Variants in RYR3 observed in about 807,000 individuals in gnomAD.
RYR3 encodes brain ryanodine receptor-calcium release channel.
A neutral mutation model predicts 584.3 loss-of-function variants in RYR3; 207 were observed. The observed-to-expected ratio is 0.35, with a 90% confidence interval of 0.32 to 0.40. The LOEUF is 0.40. Among genes scored for constraint, RYR3 ranks in the 10% least tolerant of loss-of-function variants. RYR3 has a pLI of 1.00. For missense variants in RYR3, 5,616 were observed against 6,089.2 expected (o/e 0.92, Z 2.59); for synonymous variants, 2,416 against 2,248.5 (o/e 1.07, Z -2.11).
intron 98 of RYR3, chr15:33,856,198 C>A (rs576620100): frequency 4.6e-5 from 7 of 152,312 alleles, no homozygotes; most frequent in Middle Eastern, 3.4e-3. Context: ...AGTTCTTTCT[C>A]TTTTTTTTCC....
At chr15:33,474,330 T>G (rs986339160) in intron 2 of RYR3, among the ~76,000 whole-genome samples, 1 of 152,192 alleles carries the variant, frequency 6.6e-6, no homozygotes, top group African/African-American at 2.4e-5. Flanking sequence ...GAGATTTCTT[T>G]TAAGAAATTA....
At chr15:33,834,472 TTTTC>T (rs1413826533) in intron 86 of RYR3, among the ~76,000 whole-genome samples, 7 of 96,168 alleles carry the variant, frequency 7.3e-5, no homozygotes, top group Non-Finnish European at 1.1e-4. Flanking sequence ...CACAGATTTC[TTTTC>T]TTTTTTTTTT....
At chr15:33,815,082 A>T (rs972694864) in intron 74 of RYR3, among the ~76,000 whole-genome samples, 10 of 151,766 alleles carry the variant, frequency 6.6e-5, no homozygotes, top group Non-Finnish European at 1.3e-4. Context: ...AAAAAAAAAA[A>T]AAAGGAATCA....
chr15:33,813,441 C>A, intron 73 of RYR3, 26 bp from the exon 74 acceptor site: 1 of 1,583,774 alleles, frequency 6.3e-7, no homozygotes, highest in Non-Finnish European at 8.7e-7. Context: ...GCCTAATGTG[C>A]ACCAACCGAT....
At chr15:33,824,833 G>A (rs1005102320) in intron 81 of RYR3, among the ~76,000 whole-genome samples, 2 of 152,160 alleles carry the variant, frequency 1.3e-5, no homozygotes, top group African/African-American at 2.4e-5. Flanking sequence ...TCAGATTGGG[G>A]AATAAGTTAG....
At chr15:33,477,310 C>G (rs954237401) in intron 2 of RYR3, among the ~76,000 whole-genome samples, 1 of 151,750 alleles carries the variant, frequency 6.6e-6, no homozygotes, top group African/African-American at 2.4e-5. Flanking sequence ...TGGTGTGTGA[C>G]CCGGAGAAAA....
At chr15:33,351,565 T>C (rs1479884372) in intron 1 of RYR3, among the ~76,000 whole-genome samples, 1 of 149,402 alleles carries the variant, frequency 6.7e-6, no homozygotes, top group African/African-American at 2.5e-5. Context: ...TCCACCATGA[T>C]CAAGTGGGCT....
intron 67 of RYR3, among the ~76,000 whole-genome samples, chr15:33,795,004 A>G (rs999083246): frequency 6.6e-6 from 1 of 152,214 alleles, no homozygotes; most frequent in African/African-American, 2.4e-5. Context: ...CGTTCAAACC[A>G]TTTGAGCTCA....
chr15:33,783,590 A>G (rs541859892), intron 65 of RYR3, among the ~76,000 whole-genome samples: 3 of 152,344 alleles, frequency 2.0e-5, no homozygotes, highest in Admixed American at 1.3e-4. Context: ...ATGATGATGT[A>G]TTGTCTATGT....
chr15:33,845,201 A>T (rs1282820545), intron 93 of RYR3, 139 bp downstream of exon 93: 11 of 744,628 alleles, frequency 1.5e-5, no homozygotes, highest in Non-Finnish European at 2.2e-5. Context: ...GCAGCACATC[A>T]CTTGGGAGCT....
At chr15:33,531,838 A>G (rs1036308721) in intron 4 of RYR3, among the ~76,000 whole-genome samples, 6 of 152,132 alleles carry the variant, frequency 3.9e-5, no homozygotes. Context: ...AGGTGATACT[A>G]TCTTTCAGAA....
At chr15:33,616,935 T>A (rs1455702054) in intron 19 of RYR3, among the ~76,000 whole-genome samples, 1 of 152,204 alleles carries the variant, frequency 6.6e-6, no homozygotes, top group Non-Finnish European at 1.5e-5. Context: ...AGCCAGTTGC[T>A]TATAAATCAA....
Position 33,663,697 on chromosome 15 carries a change from C to T in RYR3, c.5579C>T (p.Ala1860Val). ...CTGAACATGTCTGCGGCCCTGACTG[C>T]CCGGAAGACCAAGGAGTTCCGCTCA... The part of the protein sequence containing the change: ...QALNMSAALT[A>V]RKTKEFRSPP... Residue 1860 changes from alanine to valine, a missense_variant, in exon 36 of 104, where the codon GCC becomes GTC. This residue lies in a region of RYR3 where 1,280 missense variants were observed against 1,426.2 expected (regional missense o/e 0.90). Coordinates refer to ENST00000634891, the MANE Select transcript of RYR3 (RefSeq NM_001036.6). The T allele has an allele frequency of 6.2e-7, 1 of 1,611,040 alleles. No individual in the cohort carries two copies. The highest frequency in any genetic ancestry group is 1.7e-5 in the Admixed American group (1 of 59,836).
intron 85 of RYR3, among the ~76,000 whole-genome samples, chr15:33,828,031 A>G (rs944139419): frequency 1.3e-5 from 2 of 152,224 alleles, no homozygotes; most frequent in Non-Finnish European, 2.9e-5. Context: ...CCGTTTTACC[A>G]ACAGCATTTA....
At chr15:33,855,551 C>T (rs2079563601) in intron 98 of RYR3, among the ~76,000 whole-genome samples, 1 of 152,074 alleles carries the variant, frequency 6.6e-6, no homozygotes, top group Non-Finnish European at 1.5e-5. Flanking sequence ...CTGATATATT[C>T]CCTGGGGGTT....
intron 94 of RYR3, 38 bp from the exon 95 acceptor site, chr15:33,853,007 A>T: frequency 6.4e-7 from 1 of 1,569,490 alleles, no homozygotes; most frequent in Non-Finnish European, 8.7e-7. Flanking sequence ...CCTTGATGTT[A>T]AGAATGAAGA....
rs775760073 is a variant in RYR3, at chr15:33,699,838, G to GA, written c.6379+5_6379+6insA. 4.4e-6 allele frequency: 7 copies of GA among 1,608,520 alleles called. No homozygotes were observed. The highest frequency in any genetic ancestry group is 6.0e-6 in the Non-Finnish European group (7 of 1,175,794). ...AGAATAGCAGTGTTGGCCTAGGTGC[G>GA]TAAGTCTTCTTGTAACTTCCACATC... On this transcript the variant is annotated splice_donor_region_variant and intron_variant, in intron 41 of 103. Coordinates refer to ENST00000634891, the MANE Select transcript of RYR3 (RefSeq NM_001036.6).
At chr15:33,391,482 C>T (rs1202014518) in intron 1 of RYR3, among the ~76,000 whole-genome samples, 7 of 151,938 alleles carry the variant, frequency 4.6e-5, no homozygotes, top group African/African-American at 2.4e-5. Context: ...AAAAATTAGC[C>T]GGGCATGGTG....
At chr15:33,736,085 A>G in intron 48 of RYR3, 150 bp from the exon 49 acceptor site, 1 of 577,790 alleles carries the variant, frequency 1.7e-6, no homozygotes, top group East Asian at 2.8e-5. Flanking sequence ...CAAGTGTTTC[A>G]TCATCTACTC....
Sources: gnomAD v4.1 joint callset for allele counts (sites outside exome capture counted in the v4.1 genomes callset) on GRCh38, gnomAD v4.1.1 for gene constraint, gnomAD v4.1.1 regional missense constraint, MANE v1.5 for transcripts, NCBI Gene and HGNC (gene_info 2026-07-23, HGNC 2026-07-21) for gene names.